TENM4: variants seen among roughly 807,000 people sequenced by gnomAD.
TENM4 encodes the protein teneurin-4.
TENM4 carries 82 observed loss-of-function variants against 243.3 expected under a neutral mutation model. The ratio of observed to expected loss-of-function variants is 0.34; its 90% CI spans 0.28 to 0.40. The LOEUF (loss-of-function observed/expected upper bound fraction) is 0.40. Ranked by LOEUF, TENM4 falls within the 10% of genes least tolerant of loss-of-function variation. The pLI is 1.00. For missense variants in TENM4, 3,138 were observed against 3,673.3 expected (o/e 0.85, Z 3.77); for synonymous variants, 1,412 against 1,456.3 (o/e 0.97, Z 0.69).
At chr11:79,231,044 C>A (rs1291948632) in intron 2 of TENM4, among the ~76,000 whole-genome samples, 1 of 152,082 alleles carries the variant, frequency 6.6e-6, no homozygotes, top group Non-Finnish European at 1.5e-5. Context: ...GGGGATTCTG[C>A]ATGCTGATTC....
chr11:79,172,076 T>C (rs1863057425), intron 3 of TENM4, among the ~76,000 whole-genome samples: 1 of 152,188 alleles, frequency 6.6e-6, no homozygotes, highest in African/African-American at 2.4e-5. Context: ...CTCAGCTTTC[T>C]GAGTAGCTGG....
chr11:79,290,008 C>T (rs537811632), intron 2 of TENM4, among the ~76,000 whole-genome samples: 6 of 151,674 alleles, frequency 4.0e-5, no homozygotes, highest in South Asian at 2.1e-4. Flanking sequence ...GTTAGCCAGG[C>T]GGGTCTTGAA....
At chr11:79,032,034 T>C (rs995356491) in intron 6 of TENM4, among the ~76,000 whole-genome samples, 5 of 152,334 alleles carry the variant, frequency 3.3e-5, no homozygotes, top group Middle Eastern at 3.4e-3. Context: ...CACTGCTCCC[T>C]TGATCCTGAA....
intron 19 of TENM4, among the ~76,000 whole-genome samples, chr11:78,750,630 C>A (rs955919749): frequency 6.6e-6 from 1 of 152,188 alleles, no homozygotes; most frequent in African/African-American, 2.4e-5. Context: ...GCTCACAGAG[C>A]ACTTTTGTCT....
chr11:79,189,888 TCA>T (rs1187991537), intron 3 of TENM4, among the ~76,000 whole-genome samples: 14 of 152,226 alleles, frequency 9.2e-5, no homozygotes, highest in African/African-American at 3.1e-4. Context: ...TGTTGTCAGA[TCA>T]CAGAGCACTC....
rs114238948 is a variant in TENM4, at chr11:78,747,638, G to T, written c.2757-9068C>A. ...CCACACAGAGGCCGCATCCCTCCCT[G>T]TCAAGCCCCTCACTGTGGGATTTGC... On this transcript the variant is annotated intron_variant, in intron 19 of 33. Transcript: ENST00000278550. Among the ~76,000 whole-genome samples, 594 of 152,292 alleles carry T rather than the reference G, an allele frequency of 3.9e-3. 2 individuals are homozygous for T. Among genetic ancestry groups the T allele is most frequent in the African/African-American group, 0.014 (562 of 41,572 alleles).
intron 6 of TENM4, among the ~76,000 whole-genome samples, chr11:79,001,530 G>C (rs553555687): frequency 5.5e-4 from 83 of 152,284 alleles, no homozygotes; most frequent in African/African-American, 1.9e-3. Context: ...TGCTTATAGA[G>C]GTTGTAGGAG....
At chr11:78,705,645 T>A (rs995249949) in intron 27 of TENM4, among the ~76,000 whole-genome samples, 5 of 152,206 alleles carry the variant, frequency 3.3e-5, no homozygotes, top group African/African-American at 7.2e-5. Flanking sequence ...ATTAAAGCAC[T>A]TGGAGCTGGC....
intron 1 of TENM4, among the ~76,000 whole-genome samples, chr11:79,355,735 C>G (rs1440265332): frequency 6.6e-6 from 1 of 152,124 alleles, no homozygotes; most frequent in Non-Finnish European, 1.5e-5. Flanking sequence ...ATGTCACAGC[C>G]TCCCATTTTA....
chr11:79,156,465 T>C (rs113068156), intron 3 of TENM4, among the ~76,000 whole-genome samples: 4,052 of 152,288 alleles, frequency 0.027, 88 homozygotes, highest in Admixed American at 0.062. Flanking sequence ...GATCCTGAAA[T>C]GGGCAAGGCT....
chr11:78,963,596 C>CT (rs1857376330), intron 6 of TENM4, among the ~76,000 whole-genome samples: 1 of 152,058 alleles, frequency 6.6e-6, no homozygotes, highest in Non-Finnish European at 1.5e-5. Context: ...CAGCGGGGCT[C>CT]TAAGGGGGAG....
Position 78,701,529 on chromosome 11 carries a change from T to C in TENM4, c.5084A>G (p.Tyr1695Cys). 1 of 1,579,484 alleles carries C rather than the reference T, an allele frequency of 6.3e-7. No homozygotes were observed. Among genetic ancestry groups the C allele is most frequent in the Non-Finnish European group, 8.6e-7 (1 of 1,156,442 alleles). Residue 1695 changes from tyrosine to cysteine, a missense_variant, in exon 28 of 34, where the codon TAT (tyrosine) becomes TGT (cysteine). Physicochemically the swap from Tyr to Cys is radical, Grantham distance 194. This residue lies in a region of TENM4 where 2,467 missense variants were observed against 3,059.1 expected (regional missense o/e 0.81). Coordinates refer to ENST00000278550, the MANE Select transcript of TENM4 (RefSeq NM_001098816.3). The part of the protein sequence containing the change: ...KSNENGWTTF[Y>C]EYDSFGRLTN... Reference sequence around the variant, plus strand: ...ATGGCCTTGTTTTAGTACTTACTCATAAAATGTTGTCCATCCGTTTTCATT... The same window carrying C: ...ATGGCCTTGTTTTAGTACTTACTCACAAAATGTTGTCCATCCGTTTTCATT...
At chr11:78,891,093 G>C (rs2136296108) in intron 8 of TENM4, 145 bp downstream of exon 8, 1 of 684,354 alleles carries the variant, frequency 1.5e-6, no homozygotes, top group Non-Finnish European at 2.5e-6. Flanking sequence ...ATAAACTGTT[G>C]CAAGTTGAAC....
chr11:78,751,046 A>AT (rs1361839790), intron 19 of TENM4, among the ~76,000 whole-genome samples: 1 of 151,864 alleles, frequency 6.6e-6, no homozygotes, highest in Non-Finnish European at 1.5e-5. Flanking sequence ...CACCTGGCTA[A>AT]TTTTTTGTAT....
intron 1 of TENM4, among the ~76,000 whole-genome samples, chr11:79,407,879 T>C (rs1310221224): frequency 2.0e-5 from 3 of 152,018 alleles, no homozygotes; most frequent in Admixed American, 1.3e-4. Context: ...GGGTGGAACC[T>C]GAAGATTTGC....
intron 1 of TENM4, among the ~76,000 whole-genome samples, chr11:79,311,820 C>A (rs866115256): frequency 6.6e-6 from 1 of 152,188 alleles, no homozygotes; most frequent in African/African-American, 2.4e-5. Flanking sequence ...AGGTTCTACC[C>A]CTGCCCACCT....
intron 1 of TENM4, among the ~76,000 whole-genome samples, chr11:79,327,873 T>C (rs2135438928): frequency 6.6e-6 from 1 of 152,240 alleles, no homozygotes; most frequent in Non-Finnish European, 1.5e-5. Flanking sequence ...CTAAAAATTT[T>C]CAAGCCCTGA....
intron 6 of TENM4, among the ~76,000 whole-genome samples, chr11:78,942,721 C>T (rs1328901419): frequency 6.6e-6 from 1 of 151,826 alleles, no homozygotes; most frequent in Non-Finnish European, 1.5e-5. Flanking sequence ...TTGTATGTGC[C>T]AGGCTTCCTG....
intron 6 of TENM4, among the ~76,000 whole-genome samples, chr11:78,983,674 C>T (rs1223046687): frequency 6.6e-6 from 1 of 152,192 alleles, no homozygotes; most frequent in Non-Finnish European, 1.5e-5. Flanking sequence ...ACGCTGCCCC[C>T]AGGGCATGCC....
Sources: gnomAD v4.1 joint callset for allele counts (sites outside exome capture counted in the v4.1 genomes callset) on GRCh38, gnomAD v4.1.1 for gene constraint, gnomAD v4.1.1 regional missense constraint, MANE v1.5 for transcripts, NCBI Gene and HGNC (gene_info 2026-07-23, HGNC 2026-07-21) for gene names.